GMDS: variants seen among roughly 807,000 people sequenced by gnomAD.
GMDS encodes GDP-mannose 4,6 dehydratase.
GMDS carries 20 observed loss-of-function variants against 49.9 expected under a neutral mutation model. The ratio of observed to expected loss-of-function variants is 0.40; its 90% CI spans 0.28 to 0.58. GMDS has a LOEUF of 0.58. GMDS is among the 20% of genes least tolerant of loss of function. The pLI is 0.42. For synonymous variants in GMDS, 177 were observed against 178.6 expected (o/e 0.99, Z 0.07); for missense variants, 362 against 481.4 (o/e 0.75, Z 2.32).
chr6:1,739,618 CA>C (rs754164933), intron 8 of GMDS, among the ~76,000 whole-genome samples: 32 of 152,384 alleles, frequency 2.1e-4, no homozygotes, highest in African/African-American at 3.4e-4. Context: ...GCAGGACCCA[CA>C]AGGGCCAGCC....
intron 4 of GMDS, among the ~76,000 whole-genome samples, chr6:2,016,369 G>A (rs892025340): frequency 3.3e-5 from 5 of 151,796 alleles, no homozygotes; most frequent in Non-Finnish European, 4.4e-5. Flanking sequence ...GGAAGCTATC[G>A]CAATAAAAAA....
chr6:1,686,555 T>C (rs1327368642), intron 9 of GMDS, among the ~76,000 whole-genome samples: 1 of 152,238 alleles, frequency 6.6e-6, no homozygotes, highest in Non-Finnish European at 1.5e-5. Context: ...GTATTTGTCT[T>C]TGTATAACCA....
intron 9 of GMDS, among the ~76,000 whole-genome samples, chr6:1,716,381 C>T: frequency 6.6e-6 from 1 of 152,166 alleles, no homozygotes; most frequent in East Asian, 1.9e-4. Context: ...TTGAACCCAT[C>T]AGGGGTCAGA....
At chr6:2,200,839 C>T (rs531279632) in intron 1 of GMDS, among the ~76,000 whole-genome samples, 4 of 141,650 alleles carry the variant, frequency 2.8e-5, no homozygotes, top group African/African-American at 1.1e-4. Flanking sequence ...ACCATCTAGG[C>T]AGTGAGGGCA....
intron 7 of GMDS, among the ~76,000 whole-genome samples, chr6:1,916,036 G>A (rs1431953201): frequency 2.6e-5 from 4 of 152,204 alleles, no homozygotes; most frequent in African/African-American, 4.8e-5. Flanking sequence ...CGCAGGCTTC[G>A]CAGGTGGAAG....
chr6:1,652,387 ATATAT>A (rs1172976258), intron 9 of GMDS, among the ~76,000 whole-genome samples: 7 of 6,820 alleles, frequency 1.0e-3, no homozygotes, highest in Non-Finnish European at 2.4e-3. Flanking sequence ...AAAAATATAT[ATATAT>A]TATATATATA....
In GMDS at chr6:1,648,980, C is replaced by T. The variant is rs150617773; in HGVS notation, c.988-24440G>A. Among the ~76,000 whole-genome samples the T allele has an allele frequency of 6.7e-4, 102 of 152,306 alleles. 1 individual carries two copies. In the East Asian group the frequency reaches 0.018, roughly 28 times the overall value. On this transcript the variant is annotated intron_variant, in intron 9 of 10. Transcript: ENST00000380815. ...TACAGAATCAGAGAGAGAACATGAG[C>T]TTACGTTTAAGGCAGTCATTCACAT...
At chr6:2,193,720 A>ATTTTTTTTT (rs35997013) in intron 1 of GMDS, among the ~76,000 whole-genome samples, 2 of 111,792 alleles carry the variant, frequency 1.8e-5, no homozygotes, top group Admixed American at 9.4e-5. Flanking sequence ...TGAAAATGCT[A>ATTTTTTTTT]TTTTTTTTTT....
chr6:1,872,095 T>C (rs919296120), intron 7 of GMDS, among the ~76,000 whole-genome samples: 6 of 152,226 alleles, frequency 3.9e-5, no homozygotes, highest in African/African-American at 1.4e-4. Flanking sequence ...CCCTCATCCA[T>C]GGTCCTCTCT....
chr6:1,895,692 C>A (rs965439765), intron 7 of GMDS, among the ~76,000 whole-genome samples: 3 of 152,144 alleles, frequency 2.0e-5, no homozygotes, highest in African/African-American at 7.2e-5. Flanking sequence ...AAATGTGTAA[C>A]AAAATGAACA....
chr6:1,735,965 A>G (rs766457390), intron 8 of GMDS, among the ~76,000 whole-genome samples: 4 of 152,192 alleles, frequency 2.6e-5, no homozygotes, highest in Non-Finnish European at 4.4e-5. Context: ...TAACACATTT[A>G]TAGAGCACCT....
chr6:1,905,496 C>T (rs1760716804), intron 7 of GMDS, among the ~76,000 whole-genome samples: 1 of 146,494 alleles, frequency 6.8e-6, no homozygotes, highest in Non-Finnish European at 1.5e-5. Flanking sequence ...TGTGCATCTG[C>T]ATGTGGGGCC....
At chr6:1,653,206 T>C (rs1179832590) in intron 9 of GMDS, among the ~76,000 whole-genome samples, 1 of 152,150 alleles carries the variant, frequency 6.6e-6, no homozygotes, top group Non-Finnish European at 1.5e-5. Context: ...TACACTGCCG[T>C]AGGAAAAAGA....
chr6:2,216,595 C>T (rs536528431), intron 1 of GMDS, among the ~76,000 whole-genome samples: 86 of 152,274 alleles, frequency 5.6e-4, no homozygotes, highest in Non-Finnish European at 9.4e-4. Context: ...TGTGGCAGCA[C>T]GCACCTGCAG....
At chr6:2,138,984 T>A (rs988335990) in intron 1 of GMDS, among the ~76,000 whole-genome samples, 2 of 152,192 alleles carry the variant, frequency 1.3e-5, no homozygotes, top group Non-Finnish European at 2.9e-5. Flanking sequence ...TGCCTTCACT[T>A]CAAATTTAAA....
intron 1 of GMDS, among the ~76,000 whole-genome samples, chr6:2,147,322 C>A (rs1651798052): frequency 6.6e-6 from 1 of 152,158 alleles, no homozygotes; most frequent in South Asian, 2.1e-4. Flanking sequence ...ACAGCAGACT[C>A]TGCCAAGAGT....
At chr6:1,817,842 C>T (rs911478380) in intron 7 of GMDS, among the ~76,000 whole-genome samples, 2 of 152,150 alleles carry the variant, frequency 1.3e-5, no homozygotes, top group African/African-American at 2.4e-5. Context: ...GCAGGAAAAG[C>T]AACCCATTCC....
chr6:1,864,363 C>G (rs944754697), intron 7 of GMDS, among the ~76,000 whole-genome samples: 1 of 152,106 alleles, frequency 6.6e-6, no homozygotes, highest in Non-Finnish European at 1.5e-5. Flanking sequence ...ATTAATAAAA[C>G]AGCCCTCCAT....
intron 4 of GMDS, among the ~76,000 whole-genome samples, chr6:1,973,809 C>CA (rs915727931): frequency 9.2e-5 from 14 of 151,532 alleles, no homozygotes; most frequent in African/African-American, 2.4e-4. Flanking sequence ...AGAACAACAA[C>CA]AAAAAAAAGA....
Sources: allele counts gnomAD v4.1 joint callset (sites outside exome capture counted in the v4.1 genomes callset), GRCh38; gene constraint gnomAD v4.1.1; transcripts MANE v1.5; gene names NCBI Gene and HGNC (gene_info 2026-07-23, HGNC 2026-07-21).